Variants in THSD4 observed in about 807,000 individuals in gnomAD.
The protein encoded by THSD4 is thrombospondin type-1 domain-containing protein 4.
THSD4 carries 69 observed loss-of-function variants against 119.0 expected under a neutral mutation model. That is an observed-to-expected ratio of 0.58 (90% CI 0.48 to 0.71). The LOEUF (loss-of-function observed/expected upper bound fraction) is 0.71. Ranked by LOEUF, THSD4 falls within the 30% of genes least tolerant of loss-of-function variation. THSD4 has a pLI of 0.00. For missense variants in THSD4, 1,393 were observed against 1,391.1 expected, an observed-to-expected ratio of 1.00 and a Z score of -0.02; for synonymous variants, 524 against 540.4, an observed-to-expected ratio of 0.97 and a Z score of 0.42.
At chr15:71,544,125 G>A (rs2048802086) in intron 7 of THSD4, among the ~76,000 whole-genome samples, 1 of 152,130 alleles carries the variant, frequency 6.6e-6, no homozygotes, top group Non-Finnish European at 1.5e-5. Flanking sequence ...GAGGAGACAG[G>A]GCCTAGAATA....
At chr15:71,362,837 T>A (rs1184333540) in intron 6 of THSD4, among the ~76,000 whole-genome samples, 1 of 152,166 alleles carries the variant, frequency 6.6e-6, no homozygotes, top group Non-Finnish European at 1.5e-5. Context: ...TTCTTCTCTA[T>A]GTATACTCAC....
chr15:71,705,427 T>C (rs2052375364), intron 8 of THSD4, among the ~76,000 whole-genome samples: 1 of 152,192 alleles, frequency 6.6e-6, no homozygotes, highest in Non-Finnish European at 1.5e-5. Flanking sequence ...TATTGCCTTG[T>C]TGGGGAGGGA....
intron 6 of THSD4, among the ~76,000 whole-genome samples, chr15:71,317,031 C>A (rs1427690587): frequency 1.3e-5 from 2 of 152,172 alleles, no homozygotes; most frequent in Non-Finnish European, 2.9e-5. Context: ...AATGTTTAGA[C>A]AAATTAGATT....
chr15:71,234,811 C>A (rs1163465672), intron 4 of THSD4, among the ~76,000 whole-genome samples: 1 of 152,176 alleles, frequency 6.6e-6, no homozygotes, highest in Non-Finnish European at 1.5e-5. Flanking sequence ...TCCTCAGTCT[C>A]ACTCTAGAAG....
chr15:71,419,313 C>T (rs1431722039), intron 7 of THSD4, among the ~76,000 whole-genome samples: 1 of 105,854 alleles, frequency 9.4e-6, no homozygotes, highest in African/African-American at 3.2e-5. Context: ...GCAGTTCCCC[C>T]AGCTCAGCCT....
At chr15:71,583,911 T>C (rs2049607076) in intron 7 of THSD4, among the ~76,000 whole-genome samples, 1 of 152,154 alleles carries the variant, frequency 6.6e-6, no homozygotes, top group South Asian at 2.1e-4. Context: ...CACATGTCTG[T>C]TGGGTCCATT....
chr15:71,162,903 T>C (rs1002392922), intron 3 of THSD4, among the ~76,000 whole-genome samples: 1 of 152,002 alleles, frequency 6.6e-6, no homozygotes, highest in African/African-American at 2.4e-5. Context: ...CTGCTTGATC[T>C]GGTCTGTTGT....
intron 7 of THSD4, among the ~76,000 whole-genome samples, chr15:71,424,707 A>T (rs892224990): frequency 6.6e-6 from 1 of 152,218 alleles, no homozygotes; most frequent in Non-Finnish European, 1.5e-5. Context: ...TATAATTTCT[A>T]TTATTAAACA....
chr15:71,419,771 G>C (rs1451125657), intron 7 of THSD4, among the ~76,000 whole-genome samples: 1 of 107,476 alleles, frequency 9.3e-6, no homozygotes, highest in African/African-American at 3.2e-5. Flanking sequence ...ATTTCCATGA[G>C]TTTGTATAGT....
At chr15:71,760,144 TCAC>T (rs1251837562) in intron 15 of THSD4, among the ~76,000 whole-genome samples, 86 of 152,344 alleles carry the variant, frequency 5.6e-4, no homozygotes, top group African/African-American at 2.0e-3. Context: ...ACCAGCCTGG[TCAC>T]AGTGATTAGT....
intron 8 of THSD4, among the ~76,000 whole-genome samples, chr15:71,686,210 G>C (rs904789429): frequency 7.9e-5 from 12 of 152,120 alleles, no homozygotes; most frequent in African/African-American, 2.9e-4. Context: ...TTCCAAAACT[G>C]AAACTCTATA....
intron 7 of THSD4, among the ~76,000 whole-genome samples, chr15:71,466,346 A>G (rs1380662875): frequency 2.1e-5 from 2 of 95,672 alleles, no homozygotes; most frequent in African/African-American, 6.2e-5. Context: ...CTCCATCTCA[A>G]AAAAAAAAAA....
At chr15:71,395,946 C>A (rs1041861319) in intron 6 of THSD4, among the ~76,000 whole-genome samples, 13 of 150,012 alleles carry the variant, frequency 8.7e-5, no homozygotes, top group African/African-American at 3.2e-4. Flanking sequence ...CACACACACA[C>A]ACACACAAAC....
intron 3 of THSD4, among the ~76,000 whole-genome samples, chr15:71,201,392 G>A (rs1377483290): frequency 6.6e-6 from 1 of 152,202 alleles, no homozygotes; most frequent in African/African-American, 2.4e-5. Context: ...TACTCATGTA[G>A]TATTTTTAAG....
intron 7 of THSD4, among the ~76,000 whole-genome samples, chr15:71,641,533 G>T (rs1406785519): frequency 6.6e-6 from 1 of 152,034 alleles, no homozygotes. Flanking sequence ...TGACAGAAAG[G>T]TTATGCGTCT....
At chr15:71,495,621 G>A (rs1031298278) in intron 7 of THSD4, among the ~76,000 whole-genome samples, 1 of 152,164 alleles carries the variant, frequency 6.6e-6, no homozygotes, top group Non-Finnish European at 1.5e-5. Flanking sequence ...GGTCATGACA[G>A]CTGTAGACTG....
intron 6 of THSD4, among the ~76,000 whole-genome samples, chr15:71,384,296 T>G (rs1596387139): frequency 6.6e-6 from 1 of 151,936 alleles, no homozygotes; most frequent in Admixed American, 6.6e-5. Flanking sequence ...GAGAATGGCG[T>G]GAACCCCGGA....
chr15:71,322,482 A>G (rs1468112587), intron 6 of THSD4, among the ~76,000 whole-genome samples: 2 of 152,232 alleles, frequency 1.3e-5, no homozygotes, highest in African/African-American at 4.8e-5. Flanking sequence ...TAAAAACAGA[A>G]ATGTATTCGT....
chr15:71,253,660 G>A (rs568151600), intron 5 of THSD4, among the ~76,000 whole-genome samples: 5 of 152,120 alleles, frequency 3.3e-5, no homozygotes, highest in South Asian at 4.1e-4. Context: ...CGTCTGCCTC[G>A]GCCTCCCAAA....
Sources: gnomAD v4.1 joint callset for allele counts (sites outside exome capture counted in the v4.1 genomes callset) on GRCh38, gnomAD v4.1.1 for gene constraint, MANE v1.5 for transcripts, NCBI Gene and HGNC (gene_info 2026-07-23, HGNC 2026-07-21) for gene names.